The following CADM1 variants were observed in gnomAD, a reference collection of about 807,000 sequenced individuals.
CADM1 encodes the protein cell adhesion molecule 1.
In CADM1, 15 loss-of-function variants were observed where a neutral mutation model predicts 53.1. The observed-to-expected ratio is 0.28, with a 90% confidence interval of 0.19 to 0.44. The LOEUF is 0.44. Ranked by LOEUF, CADM1 falls within the 20% of genes least tolerant of loss-of-function variation. The pLI, the probability that CADM1 is intolerant of heterozygous loss-of-function variation, is 1.00. For synonymous variants in CADM1, 281 were observed against 243.0 expected, an observed-to-expected ratio of 1.16 and a Z score of -1.45; for missense variants, 434 against 611.3, an observed-to-expected ratio of 0.71 and a Z score of 3.06.
At chr11:115,452,323 TA>T (rs1448391170) in intron 1 of CADM1, among the ~76,000 whole-genome samples, 2 of 152,136 alleles carry the variant, frequency 1.3e-5, no homozygotes, top group Non-Finnish European at 2.9e-5. Flanking sequence ...CCAGAACCTA[TA>T]AAATCCATTT....
At chr11:115,501,955 C>T (rs1394201773) in intron 1 of CADM1, among the ~76,000 whole-genome samples, 1 of 152,150 alleles carries the variant, frequency 6.6e-6, no homozygotes, top group Non-Finnish European at 1.5e-5. Flanking sequence ...ATCTCATCTC[C>T]TCACTACAAA....
intron 10 of CADM1, chr11:115,179,197 A>G (rs999356621): frequency 1.0e-4 from 23 of 229,794 alleles, no homozygotes; most frequent in East Asian, 2.6e-4. Context: ...TAGACGCCCA[A>G]TGACTTTTAT....
chr11:115,230,354 T>C (rs1283505342), intron 4 of CADM1, among the ~76,000 whole-genome samples: 2 of 152,226 alleles, frequency 1.3e-5, no homozygotes, highest in East Asian at 1.9e-4. Flanking sequence ...AACTATTCCC[T>C]CTTTTCATCT....
chr11:115,184,653 C>G (rs1003832242), intron 10 of CADM1, among the ~76,000 whole-genome samples: 1 of 152,176 alleles, frequency 6.6e-6, no homozygotes, highest in African/African-American at 2.4e-5. Flanking sequence ...CATATAGCAT[C>G]CCAGGCATCT....
chr11:115,480,822 C>T (rs1247558387), intron 1 of CADM1, among the ~76,000 whole-genome samples: 1 of 152,124 alleles, frequency 6.6e-6, no homozygotes, highest in Non-Finnish European at 1.5e-5. Flanking sequence ...CTCCAGGCCT[C>T]AGCCCTGCAG....
At chr11:115,457,023 C>G (rs916275049) in intron 1 of CADM1, among the ~76,000 whole-genome samples, 1 of 152,084 alleles carries the variant, frequency 6.6e-6, no homozygotes, top group Non-Finnish European at 1.5e-5. Context: ...AACATAGTAC[C>G]TAAGTGCAGA....
At chr11:115,277,177 G>T (rs1943468357) in intron 1 of CADM1, among the ~76,000 whole-genome samples, 1 of 152,138 alleles carries the variant, frequency 6.6e-6, no homozygotes, top group Admixed American at 6.5e-5. Flanking sequence ...GCTCCTACAA[G>T]TTTCTGTTTT....
At chr11:115,206,343 C>G (rs777369850) in intron 8 of CADM1, among the ~76,000 whole-genome samples, 6 of 152,190 alleles carry the variant, frequency 3.9e-5, no homozygotes, top group African/African-American at 9.7e-5. Flanking sequence ...GTGTAACTCT[C>G]CAGACCTGCT....
At chr11:115,495,377 T>A (rs1254440083) in intron 1 of CADM1, among the ~76,000 whole-genome samples, 1 of 152,144 alleles carries the variant, frequency 6.6e-6, no homozygotes, top group Non-Finnish European at 1.5e-5. Flanking sequence ...ACTTTTAAAA[T>A]CACTGTATTA....
In CADM1 at chr11:115,173,618, T is replaced by G. The variant is rs142069055; in HGVS notation, c.*2856A>C. ...GTCCATAAGAAGTCCATAAAGAGAT[T>G]AAAGGATCACTTTGTAACATTAATT... On this transcript the variant is annotated 3_prime_UTR_variant, in exon 12 of 12. Transcript: ENST00000331581. 1,721 of 285,268 alleles carry G rather than the reference T, an allele frequency of 6.0e-3. 28 individuals are homozygous for G. Among genetic ancestry groups the G allele is most frequent in the African/African-American group, 0.035 (1,565 of 44,274 alleles). The allele number at this position is 285,268 out of a possible 1,614,324, so 17.7% of individuals were successfully genotyped here.
At position 115,360,077 on chromosome 11, in the gene CADM1, G is replaced by A. The variant is rs1232623646; in HGVS notation, c.125-119657C>T. On this transcript the variant is annotated intron_variant, in intron 1 of 11. Coordinates refer to ENST00000331581, the MANE Select transcript of CADM1 (RefSeq NM_001301043.2). ...GGCCAAGAGCATTAATCATGTAGAG[G>A]AGAGGATAAAGAAGCCTCTCTTTGG... 2.6e-5 allele frequency among the ~76,000 whole-genome samples: 4 copies of A among 152,300 alleles called. No homozygotes were observed. The East Asian group carries it at 7.7e-4, about 29-fold the overall frequency.
chr11:115,357,424 T>C (rs905342884), intron 1 of CADM1, among the ~76,000 whole-genome samples: 4 of 152,210 alleles, frequency 2.6e-5, no homozygotes, highest in African/African-American at 9.7e-5. Context: ...GTGAGTCTTA[T>C]ATCCTTGAAA....
chr11:115,504,234 G>A (rs113106662), intron 1 of CADM1, 37 bp downstream of exon 1: 2 of 1,562,276 alleles, frequency 1.3e-6, no homozygotes, highest in East Asian at 2.4e-5. Context: ...GGTGCCTTCG[G>A]AGATTTAGGG....
chr11:115,270,878 T>A (rs1474197698), intron 1 of CADM1, among the ~76,000 whole-genome samples: 1 of 152,236 alleles, frequency 6.6e-6, no homozygotes, highest in African/African-American at 2.4e-5. Context: ...TAAATCACTT[T>A]TGGGATCTAC....
intron 1 of CADM1, among the ~76,000 whole-genome samples, chr11:115,410,810 C>G (rs1471189074): frequency 6.6e-6 from 1 of 152,262 alleles, no homozygotes; most frequent in East Asian, 1.9e-4. Flanking sequence ...GGCTGGCATA[C>G]AGCAGTGTTG....
intron 1 of CADM1, among the ~76,000 whole-genome samples, chr11:115,297,903 G>A (rs548578415): frequency 1.7e-4 from 26 of 152,340 alleles, no homozygotes; most frequent in African/African-American, 6.0e-4. Flanking sequence ...CAGCCAAAAC[G>A]GCAGAGCTAA....
chr11:115,428,600 A>G (rs964566478), intron 1 of CADM1, among the ~76,000 whole-genome samples: 1 of 152,284 alleles, frequency 6.6e-6, no homozygotes, highest in East Asian at 1.9e-4. Context: ...GTGTTCATGT[A>G]ACCTAGCATC....
Position 115,487,226 on chromosome 11 carries a change from G to C in CADM1, c.124+17045C>G, listed in dbSNP as rs982265914. On this transcript the variant is annotated intron_variant, in intron 1 of 11. Transcript: ENST00000331581. ...GGGGGAGATCCAATGTATGAACATG[G>C]AGTTTCTCTTGTTGAAATGGTAGAG... Among the ~76,000 whole-genome samples, 43 of 152,308 alleles carry C rather than the reference G, an allele frequency of 2.8e-4. 1 individual carries two copies. Among genetic ancestry groups the C allele is most frequent in the African/African-American group, 9.4e-4 (39 of 41,560 alleles).
intron 1 of CADM1, among the ~76,000 whole-genome samples, chr11:115,316,175 C>T (rs571647344): frequency 2.6e-5 from 4 of 152,276 alleles, no homozygotes; most frequent in Admixed American, 6.5e-5. Context: ...TAAGGTTTTT[C>T]AAGTTATTTG....
Sources: gnomAD v4.1 joint callset for allele counts (sites outside exome capture counted in the v4.1 genomes callset) on GRCh38, gnomAD v4.1.1 for gene constraint, MANE v1.5 for transcripts, NCBI Gene and HGNC (gene_info 2026-07-23, HGNC 2026-07-21) for gene names.